The following PODXL2 variants were observed in gnomAD, a reference collection of about 807,000 sequenced individuals.
PODXL2 encodes the protein podocalyxin like 2.
Under a neutral mutation model 53.4 loss-of-function variants are expected in PODXL2, and 17 were observed. The ratio of observed to expected loss-of-function variants is 0.32; its 90% CI spans 0.22 to 0.48. The LOEUF (loss-of-function observed/expected upper bound fraction) is 0.48. Ranked by LOEUF, PODXL2 falls within the 20% of genes least tolerant of loss-of-function variation. The pLI is 0.99. For missense variants in PODXL2, 673 were observed against 760.0 expected (o/e 0.89, Z 1.35); for synonymous variants, 311 against 306.7 (o/e 1.01, Z -0.15).
rs1172955689 is a variant in PODXL2, at chr3:127,664,155, GGCACCCACCATTCTCCTT to G, written c.1206+1863_1206+1880del. On this transcript the variant is annotated intron_variant, in intron 4 of 7. Coordinates refer to ENST00000342480, the MANE Select transcript of PODXL2 (RefSeq NM_015720.4). ...AAATGACTACCTGTTCCCCAGTCCCGGCACCCACCATTCTCCTTGCACCCACCATTCTCCTTTTGGTTT... is the reference window on the plus strand; with the variant it reads ...AAATGACTACCTGTTCCCCAGTCCCGGCACCCACCATTCTCCTTTTGGTTT... Among the ~76,000 whole-genome samples, 4 of 151,988 alleles carry G rather than the reference GGCACCCACCATTCTCCTT, an allele frequency of 2.6e-5. No homozygotes were observed. The East Asian group carries it at 7.7e-4, about 29-fold the overall frequency.
At chr3:127,668,390 G>C in intron 4 of PODXL2, 51 bp from the exon 5 acceptor site, 5 of 1,436,448 alleles carry the variant, frequency 3.5e-6, no homozygotes, top group Non-Finnish European at 4.6e-6. Flanking sequence ...AGAGGGCTCA[G>C]TAGAGCCCCT....
In PODXL2 at chr3:127,660,572, G is replaced by A; in HGVS notation, c.544G>A (p.Glu182Lys). 6.2e-7 allele frequency: 1 copy of A among 1,613,956 alleles called. No individual in the cohort carries two copies. Among genetic ancestry groups the A allele is most frequent in the Non-Finnish European group, 8.5e-7 (1 of 1,179,828 alleles). The change falls in exon 3 of 8, where the codon GAG becomes AAG. Residue 182 changes from glutamate to lysine, a missense_variant. Physicochemically the swap from Glu to Lys is moderately conservative, Grantham distance 56. Coordinates refer to ENST00000342480, the MANE Select transcript of PODXL2 (RefSeq NM_015720.4). ...GGAGAAGGAAGAGGTAGAGAAACAA[G>A]AGGAGGAGGAAGAGGAGGAGCTGCT... ...EREKEEVEKQ[E>K]EEEEEELLPV...
At chr3:127,632,532 C>T (rs561467527) in intron 1 of PODXL2, among the ~76,000 whole-genome samples, 28 of 152,304 alleles carry the variant, frequency 1.8e-4, no homozygotes, top group African/African-American at 4.3e-4. Flanking sequence ...CCGGGTGCCC[C>T]GGGAACCTAT....
chr3:127,662,137 C>A, intron 3 of PODXL2, 100 bp from the exon 4 acceptor site: 3 of 970,464 alleles, frequency 3.1e-6, no homozygotes, highest in South Asian at 1.4e-5. Context: ...CACTGGCCTC[C>A]ACCTTCCAGC....
At chr3:127,655,052 C>T (rs572244586) in intron 2 of PODXL2, among the ~76,000 whole-genome samples, 22 of 152,306 alleles carry the variant, frequency 1.4e-4, no homozygotes, top group South Asian at 1.0e-3. Flanking sequence ...AAGCGACTCT[C>T]ATGCCTCAGC....
At chr3:127,634,882 A>G (rs1345558544) in intron 1 of PODXL2, among the ~76,000 whole-genome samples, 1 of 152,224 alleles carries the variant, frequency 6.6e-6, no homozygotes, top group Non-Finnish European at 1.5e-5. Context: ...ATTAGAGGGC[A>G]GTGTTCGGGA....
At chr3:127,645,512 C>T (rs966266067) in intron 2 of PODXL2, among the ~76,000 whole-genome samples, 4 of 152,294 alleles carry the variant, frequency 2.6e-5, no homozygotes, top group East Asian at 1.9e-4. Flanking sequence ...GTGCCCTGTC[C>T]GGGGCTCCTG....
intron 4 of PODXL2, among the ~76,000 whole-genome samples, chr3:127,665,728 A>G (rs1181898979): frequency 6.6e-6 from 1 of 152,218 alleles, no homozygotes; most frequent in African/African-American, 2.4e-5. Context: ...AAAGGGCTGG[A>G]TCATCAAGAT....
intron 4 of PODXL2, among the ~76,000 whole-genome samples, chr3:127,662,648 G>A (rs558706993): frequency 1.2e-3 from 182 of 152,138 alleles, no homozygotes; most frequent in African/African-American, 4.2e-3. Flanking sequence ...CTCCGTTTTG[G>A]GTCTCAGCCT....
intron 2 of PODXL2, among the ~76,000 whole-genome samples, chr3:127,653,876 A>G (rs1255578627): frequency 2.6e-5 from 4 of 152,186 alleles, no homozygotes; most frequent in Admixed American, 1.3e-4. Flanking sequence ...TAAACCATTT[A>G]ATGGTAAGTT....
intron 1 of PODXL2, among the ~76,000 whole-genome samples, chr3:127,635,309 A>T (rs1198317756): frequency 6.6e-6 from 1 of 152,140 alleles, no homozygotes; most frequent in East Asian, 1.9e-4. Context: ...TTCCATAATG[A>T]TTTGTTTTCT....
In PODXL2 at chr3:127,638,748, T is replaced by C. The variant is rs568312572; in HGVS notation, c.71-497T>C. Among the ~76,000 whole-genome samples, 10 of 152,244 alleles carry C rather than the reference T, an allele frequency of 6.6e-5. No individual in the cohort carries two copies. The South Asian group carries it at 2.1e-3, about 32-fold the overall frequency. On this transcript the variant is annotated intron_variant, in intron 1 of 7. Coordinates refer to ENST00000342480, the MANE Select transcript of PODXL2 (RefSeq NM_015720.4). ...TAAAAAATAAAAAAACTAAAGACTA[T>C]GTTCAGGATACTGTATTGCTGAAAT... is the stretch of plus-strand genomic sequence containing the variant.
rs533917532 is a variant in PODXL2 at position 127,654,501 on chromosome 3, T to C, written c.350-5877T>C. On this transcript the variant is annotated intron_variant, in intron 2 of 7. Coordinates refer to ENST00000342480, the MANE Select transcript of PODXL2 (RefSeq NM_015720.4). The stretch of plus-strand genomic sequence containing the variant: ...CACAGACGCCCCTCACCCCACTGGT[T>C]CCTAGTGTGTGCTCCCATCAGGCCT... 1.4e-4 allele frequency among the ~76,000 whole-genome samples: 22 copies of C among 152,278 alleles called. No homozygotes were observed. In the East Asian group the frequency reaches 3.9e-3, roughly 27 times the overall value.
intron 2 of PODXL2, among the ~76,000 whole-genome samples, chr3:127,642,968 C>T (rs1468257290): frequency 6.6e-6 from 1 of 152,142 alleles, no homozygotes; most frequent in African/African-American, 2.4e-5. Flanking sequence ...CACCATCATA[C>T]ATTTCGAGCA....
At chr3:127,652,350 G>GT (rs2074694949) in intron 2 of PODXL2, among the ~76,000 whole-genome samples, 1 of 152,064 alleles carries the variant, frequency 6.6e-6, no homozygotes, top group Non-Finnish European at 1.5e-5. Context: ...AGAGCCACCA[G>GT]GGGGGGCTGT....
intron 2 of PODXL2, among the ~76,000 whole-genome samples, chr3:127,658,719 C>T (rs1384022421): frequency 1.3e-5 from 2 of 152,092 alleles, no homozygotes; most frequent in Non-Finnish European, 2.9e-5. Context: ...TTTTCTCTTG[C>T]TCCTTATAAT....
chr3:127,671,622 G>A lies in PODXL2; in HGVS notation c.1605+9G>A. The A allele has an allele frequency of 6.2e-7, 1 of 1,610,902 alleles. No individual in the cohort carries two copies. The highest frequency in any genetic ancestry group is 8.5e-7 in the Non-Finnish European group (1 of 1,179,224). On this transcript the variant is annotated intron_variant, in intron 7 of 7. Transcript: ENST00000342480. ...CCAAGCTCAAGCACGTGGTGAGTGT[G>A]GGGACAGGTGGGGCTGGGGGCCAGT... is the stretch of plus-strand genomic sequence containing the variant.
intron 6 of PODXL2, 101 bp from the exon 7 acceptor site, chr3:127,671,333 A>G: frequency 9.4e-7 from 1 of 1,064,208 alleles, no homozygotes; most frequent in Admixed American, 2.0e-5. Context: ...GCACCTTCTA[A>G]GCCTGCTCCC....
chr3:127,648,917 T>C (rs974566341), intron 2 of PODXL2, among the ~76,000 whole-genome samples: 2 of 150,532 alleles, frequency 1.3e-5, no homozygotes, highest in African/African-American at 4.9e-5. Context: ...CTCAGCCTCC[T>C]GAGAACTGGG....
Sources: allele counts gnomAD v4.1 joint callset (sites outside exome capture counted in the v4.1 genomes callset), GRCh38; gene constraint gnomAD v4.1.1; transcripts MANE v1.5; gene names NCBI Gene and HGNC (gene_info 2026-07-23, HGNC 2026-07-21).